TCF4: variants seen among roughly 807,000 people sequenced by gnomAD.
TCF4 encodes the protein SL3-3 enhancer factor 2.
TCF4 carries 3 observed loss-of-function variants against 82.1 expected under a neutral mutation model. The ratio of observed to expected loss-of-function variants is 0.04; its 90% CI spans 0.02 to 0.09. The LOEUF is 0.09. Among genes scored for constraint, TCF4 ranks in the 10% least tolerant of loss-of-function variants. The pLI, the probability that TCF4 is intolerant of heterozygous loss-of-function variation, is 1.00. For synonymous variants in TCF4, 276 were observed against 309.6 expected (o/e 0.89, Z 1.14); for missense variants, 518 against 852.7 (o/e 0.61, Z 4.89).
At chr18:55,571,950 G>C (rs1460810593) in intron 3 of TCF4, among the ~76,000 whole-genome samples, 1 of 151,100 alleles carries the variant, frequency 6.6e-6, no homozygotes, top group Non-Finnish European at 1.5e-5. Context: ...ATTAATTATA[G>C]TTCATTTCGT....
At chr18:55,452,178 A>C (rs2095637214) in intron 5 of TCF4, among the ~76,000 whole-genome samples, 2 of 152,114 alleles carry the variant, frequency 1.3e-5, no homozygotes, top group Admixed American at 1.3e-4. Context: ...TCATGACATG[A>C]GACTGTTCAA....
chr18:55,464,759 T>C lies in TCF4; in HGVS notation c.146-622A>G, dbSNP rs140154307. ...TAAACTAGACATACCATTTGGTCTA[T>C]AATCCTTAATCTGGGTTTTGATATG... On this transcript the variant is annotated intron_variant, in intron 3 of 19. Transcript: ENST00000354452. Among the ~76,000 whole-genome samples the C allele has an allele frequency of 5.8e-3, 881 of 152,292 alleles. 8 individuals are homozygous for C. The highest frequency in any genetic ancestry group is 0.02 in the African/African-American group (815 of 41,554).
intron 8 of TCF4, among the ~76,000 whole-genome samples, chr18:55,304,349 G>C (rs2069450396): frequency 6.6e-6 from 1 of 152,132 alleles, no homozygotes; most frequent in Non-Finnish European, 1.5e-5. Context: ...TAATGTAACA[G>C]AGATCAAATA....
At position 55,566,044 on chromosome 18, in the gene TCF4, CAAAAAAAA is replaced by C. The variant is rs1165991030; in HGVS notation, c.145+19228_145+19235del. 4.2e-5 allele frequency among the ~76,000 whole-genome samples: 3 copies of C among 71,318 alleles called. No homozygotes were observed. In the South Asian group the frequency reaches 1.3e-3, roughly 31 times the overall value. 46.8% of individuals were successfully genotyped at this position (71,318 alleles called of 152,430 possible). The stretch of plus-strand genomic sequence containing the variant: ...TGAAACCCCATCTCTACTAAAAATA[CAAAAAAAA>C]AAAAAAAAAAATTAGCCCGGCGTGG... On this transcript the variant is annotated intron_variant, in intron 3 of 19. Coordinates refer to ENST00000354452, the MANE Select transcript of TCF4 (RefSeq NM_001083962.2).
chr18:55,500,160 C>T (rs1019433958), intron 3 of TCF4, among the ~76,000 whole-genome samples: 5 of 151,822 alleles, frequency 3.3e-5, no homozygotes, highest in East Asian at 3.9e-4. Flanking sequence ...CCAGCCTGGG[C>T]GACAGAGGGA....
intron 5 of TCF4, among the ~76,000 whole-genome samples, chr18:55,414,639 T>C (rs1434444585): frequency 6.6e-6 from 1 of 152,148 alleles, no homozygotes; most frequent in Non-Finnish European, 1.5e-5. Context: ...CACAGAGCCC[T>C]GGCCTTCACT....
At chr18:55,557,766 C>A (rs2097317067) in intron 3 of TCF4, among the ~76,000 whole-genome samples, 1 of 152,070 alleles carries the variant, frequency 6.6e-6, no homozygotes. Flanking sequence ...ACTTTGGTTT[C>A]TTGTGTTTTT....
intron 3 of TCF4, among the ~76,000 whole-genome samples, chr18:55,545,255 T>G (rs1267928365): frequency 6.6e-6 from 1 of 152,224 alleles, no homozygotes; most frequent in African/African-American, 2.4e-5. Flanking sequence ...CTTAGTATTC[T>G]GTGTGTATGC....
At chr18:55,347,837 T>C (rs943721561) in intron 8 of TCF4, among the ~76,000 whole-genome samples, 2 of 152,178 alleles carry the variant, frequency 1.3e-5, no homozygotes, top group Non-Finnish European at 2.9e-5. Context: ...CTATTTGTCA[T>C]GGTAAATATG....
chr18:55,402,049 A>C, intron 6 of TCF4: 3 of 985,430 alleles, frequency 3.0e-6, no homozygotes, highest in Non-Finnish European at 3.6e-6. Flanking sequence ...GAACATTTGC[A>C]CTCACATTCC....
chr18:55,510,059 T>C (rs1252624415), intron 3 of TCF4, among the ~76,000 whole-genome samples: 1 of 152,174 alleles, frequency 6.6e-6, no homozygotes, highest in Non-Finnish European at 1.5e-5. Flanking sequence ...GACACTGCTT[T>C]TCATGTTTGT....
At position 55,510,579 on chromosome 18, in the gene TCF4, C is replaced by G. The variant is rs1164726138; in HGVS notation, c.146-46442G>C. 6 of 1,495,038 alleles carry G rather than the reference C, an allele frequency of 4.0e-6. No homozygotes were observed. The East Asian group carries it at 1.0e-4, about 25-fold the overall frequency. 92.6% of individuals were successfully genotyped at this position (1,495,038 alleles called of 1,614,324 possible). A position where few individuals can be genotyped will look rare whatever the true frequency, so the allele number is the denominator to read the frequency against. On this transcript the variant is annotated intron_variant, in intron 3 of 19. Coordinates refer to ENST00000354452, the MANE Select transcript of TCF4 (RefSeq NM_001083962.2). ...AAATACAAGTTACATAAATATTTAC[C>G]TCTGCTGTCCTCTTCCATATGAATA...
At chr18:55,543,881 A>T (rs952901744) in intron 3 of TCF4, among the ~76,000 whole-genome samples, 2 of 152,182 alleles carry the variant, frequency 1.3e-5, no homozygotes, top group African/African-American at 4.8e-5. Context: ...CATTCGGCAA[A>T]ATTAATACAT....
At chr18:55,464,260 G>C (rs2144903931) in intron 3 of TCF4, 123 bp from the exon 4 acceptor site, 2 of 814,312 alleles carry the variant, frequency 2.5e-6, no homozygotes, top group East Asian at 5.0e-5. Flanking sequence ...CAGGCACCGG[G>C]CTACCATGAT....
chr18:55,279,884 T>C (rs368827485), intron 8 of TCF4, among the ~76,000 whole-genome samples: 1 of 152,202 alleles, frequency 6.6e-6, no homozygotes, highest in African/African-American at 2.4e-5. Flanking sequence ...AGGTGTGTTA[T>C]ATTCCAGTTG....
intron 6 of TCF4, among the ~76,000 whole-genome samples, chr18:55,364,086 A>G (rs2086203923): frequency 6.6e-6 from 1 of 152,230 alleles, no homozygotes; most frequent in Admixed American, 6.5e-5. Flanking sequence ...GTTCACTTTC[A>G]TATATAGCTA....
chr18:55,534,172 A>AG lies in TCF4; in HGVS notation c.145+51107_145+51108insC, dbSNP rs147231385. Among the ~76,000 whole-genome samples, 309 of 152,370 alleles carry AG rather than the reference A, an allele frequency of 2.0e-3. 2 individuals carry two copies. Among genetic ancestry groups the AG allele is most frequent in the African/African-American group, 6.2e-3 (257 of 41,588 alleles). The stretch of plus-strand genomic sequence containing the variant: ...TAAAACAGTTTGCGTACTTTGGAAC[A>AG]ACAGAAAAAGCAAAGGTGTCACTAT... On this transcript the variant is annotated intron_variant, in intron 3 of 19. Transcript: ENST00000354452.
In TCF4 at chr18:55,469,026, G is replaced by A. The variant is rs1363563916; in HGVS notation, c.146-4889C>T. Among the ~76,000 whole-genome samples, 4 of 152,202 alleles carry A rather than the reference G, an allele frequency of 2.6e-5. No homozygotes were observed. The East Asian group carries it at 5.8e-4, about 22-fold the overall frequency. The stretch of plus-strand genomic sequence containing the variant: ...AAAGACTGAAATGGGCTCAGTTCAA[G>A]ATTTTTCTAATTTCTTATTTTACCC... On this transcript the variant is annotated intron_variant, in intron 3 of 19. Coordinates refer to ENST00000354452, the MANE Select transcript of TCF4 (RefSeq NM_001083962.2).
chr18:55,529,156 T>C (rs534923181), intron 3 of TCF4, among the ~76,000 whole-genome samples: 3 of 152,180 alleles, frequency 2.0e-5, no homozygotes, highest in Admixed American at 2.0e-4. Context: ...TCAGCCCGGG[T>C]GGTAACAGCC....
Sources: gnomAD v4.1 joint callset for allele counts (sites outside exome capture counted in the v4.1 genomes callset) on GRCh38, gnomAD v4.1.1 for gene constraint, MANE v1.5 for transcripts, NCBI Gene and HGNC (gene_info 2026-07-23, HGNC 2026-07-21) for gene names.